Variants in LRMDA observed in about 807,000 individuals in gnomAD.
The protein encoded by LRMDA is leucine rich melanocyte differentiation associated.
In LRMDA, 18 loss-of-function variants were observed where a neutral mutation model predicts 29.8. The observed-to-expected ratio is 0.60, with a 90% CI of 0.42 to 0.90. The LOEUF (loss-of-function observed/expected upper bound fraction) is 0.90. LRMDA is among the 40% of genes least tolerant of loss of function. The pLI is 0.00. For missense variants in LRMDA, 273 were observed against 273.9 expected (o/e 1.00, Z 0.02); for synonymous variants, 125 against 109.4 (o/e 1.14, Z -0.89).
At chr10:75,896,013 G>A (rs532063396) in intron 2 of LRMDA, among the ~76,000 whole-genome samples, 8 of 152,248 alleles carry the variant, frequency 5.3e-5, no homozygotes, top group African/African-American at 1.9e-4. Context: ...TGTGTATATT[G>A]AGGATAATAG....
intron 2 of LRMDA, among the ~76,000 whole-genome samples, chr10:75,817,848 G>T (rs1844087376): frequency 6.6e-6 from 1 of 152,212 alleles, no homozygotes; most frequent in South Asian, 2.1e-4. Flanking sequence ...AGTGACTTAA[G>T]CAGGGAGGAT....
rs187872230 is a variant in LRMDA at position 75,583,301 on chromosome 10, T to G, written c.131+144807T>G. Among the ~76,000 whole-genome samples, 462 of 152,024 alleles carry G rather than the reference T, an allele frequency of 3.0e-3. 6 individuals carry two copies. Among genetic ancestry groups the G allele is most frequent in the African/African-American group, 0.01 (422 of 41,430 alleles). ...ACTGGGTAATTTACAAGAAAAGAGG[T>G]TTAATTGGCTCACAGTTCTGCAGGC... On this transcript the variant is annotated intron_variant, in intron 2 of 6. Coordinates refer to ENST00000611255, the MANE Select transcript of LRMDA (RefSeq NM_001305581.2).
At chr10:75,702,649 C>G (rs1369171797) in intron 2 of LRMDA, among the ~76,000 whole-genome samples, 2 of 152,190 alleles carry the variant, frequency 1.3e-5, no homozygotes, top group Non-Finnish European at 2.9e-5. Flanking sequence ...TCATTGATGA[C>G]ATATTTCTAG....
At chr10:75,760,290 A>G (rs894200712) in intron 2 of LRMDA, among the ~76,000 whole-genome samples, 21 of 152,176 alleles carry the variant, frequency 1.4e-4, no homozygotes, top group African/African-American at 5.1e-4. Context: ...TCAAGTCAGA[A>G]TGCACTTAAG....
At chr10:75,775,628 T>G (rs908001767) in intron 2 of LRMDA, among the ~76,000 whole-genome samples, 1 of 152,178 alleles carries the variant, frequency 6.6e-6, no homozygotes, top group Non-Finnish European at 1.5e-5. Context: ...GTAATGAGGA[T>G]GTAAGCAGCT....
chr10:75,833,921 G>T (rs1450083983), intron 2 of LRMDA, among the ~76,000 whole-genome samples: 1 of 152,142 alleles, frequency 6.6e-6, no homozygotes, highest in Non-Finnish European at 1.5e-5. Flanking sequence ...AACTTCTTTA[G>T]GTTTCAGGAC....
chr10:75,956,334 C>T (rs558456313), intron 2 of LRMDA, among the ~76,000 whole-genome samples: 3 of 152,264 alleles, frequency 2.0e-5, no homozygotes, highest in South Asian at 2.1e-4. Context: ...GTTAAATGGT[C>T]TGTGAACTTA....
chr10:75,785,447 G>A (rs1482248087), intron 2 of LRMDA, among the ~76,000 whole-genome samples: 3 of 152,216 alleles, frequency 2.0e-5, no homozygotes. Flanking sequence ...CTTTTGAGAA[G>A]CGACTGTGAA....
At chr10:76,352,668 G>T (rs867375819) in intron 6 of LRMDA, among the ~76,000 whole-genome samples, 1 of 152,112 alleles carries the variant, frequency 6.6e-6, no homozygotes, top group African/African-American at 2.4e-5. Context: ...CATGCAGAAA[G>T]TGGATAAGGA....
chr10:75,920,243 C>T (rs966898614), intron 2 of LRMDA, among the ~76,000 whole-genome samples: 1 of 152,096 alleles, frequency 6.6e-6, no homozygotes, highest in Non-Finnish European at 1.5e-5. Context: ...TGGTACACCA[C>T]CCCCACCCAA....
chr10:75,887,983 A>T (rs1388671217), intron 2 of LRMDA, among the ~76,000 whole-genome samples: 1 of 152,234 alleles, frequency 6.6e-6, no homozygotes, highest in Non-Finnish European at 1.5e-5. Context: ...CTTTCTTAAG[A>T]GAGTAATAAA....
chr10:76,338,811 C>T (rs1024318805), intron 6 of LRMDA, among the ~76,000 whole-genome samples: 1 of 152,082 alleles, frequency 6.6e-6, no homozygotes, highest in Non-Finnish European at 1.5e-5. Context: ...TACCTGCTAA[C>T]ACAAAATCCA....
intron 5 of LRMDA, among the ~76,000 whole-genome samples, chr10:76,320,379 C>T (rs945052886): frequency 6.6e-6 from 1 of 152,064 alleles, no homozygotes; most frequent in African/African-American, 2.4e-5. Flanking sequence ...TCAAGCCTTG[C>T]GGGGGAAGGG....
chr10:75,835,291 C>T (rs902810224), intron 2 of LRMDA, among the ~76,000 whole-genome samples: 1 of 152,174 alleles, frequency 6.6e-6, no homozygotes, highest in African/African-American at 2.4e-5. Flanking sequence ...CCCCTTCCTC[C>T]TTGTTCAAAG....
At chr10:76,006,615 T>C (rs1847667768) in intron 2 of LRMDA, among the ~76,000 whole-genome samples, 1 of 152,190 alleles carries the variant, frequency 6.6e-6, no homozygotes, top group African/African-American at 2.4e-5. Flanking sequence ...AATCTTTAAA[T>C]AGACTGCTCG....
chr10:75,463,461 T>G (rs887125765), intron 2 of LRMDA, among the ~76,000 whole-genome samples: 2 of 150,176 alleles, frequency 1.3e-5, no homozygotes, highest in Non-Finnish European at 3.0e-5. Context: ...AGTCTTTGGA[T>G]GCTCGGGTGG....
At chr10:76,468,774 C>G (rs927983404) in intron 6 of LRMDA, among the ~76,000 whole-genome samples, 2 of 152,186 alleles carry the variant, frequency 1.3e-5, no homozygotes, top group African/African-American at 2.4e-5. Context: ...TTGCCCAACT[C>G]TGAAATGCAT....
intron 6 of LRMDA, among the ~76,000 whole-genome samples, chr10:76,536,816 A>G (rs991500318): frequency 5.3e-5 from 8 of 152,160 alleles, no homozygotes; most frequent in African/African-American, 1.9e-4. Flanking sequence ...TATAATTAAT[A>G]AGTGACCTAA....
intron 2 of LRMDA, among the ~76,000 whole-genome samples, chr10:75,860,440 G>A (rs1844908956): frequency 1.3e-5 from 2 of 148,238 alleles, no homozygotes; most frequent in South Asian, 4.3e-4. Context: ...TCCTGCCTCA[G>A]CCTCCTGAGT....
Sources: gnomAD v4.1 joint callset for allele counts (sites outside exome capture counted in the v4.1 genomes callset) on GRCh38, gnomAD v4.1.1 for gene constraint, MANE v1.5 for transcripts, NCBI Gene and HGNC (gene_info 2026-07-23, HGNC 2026-07-21) for gene names.